Variants in SMYD1 observed in about 807,000 individuals in gnomAD.
SMYD1 encodes SET and MYND domain containing 1.
A neutral mutation model predicts 54.0 loss-of-function variants in SMYD1; 49 were observed. That is an observed-to-expected ratio of 0.91 (90% CI 0.72 to 1.15). The LOEUF is 1.15. Ranked by LOEUF, SMYD1 falls within the 50% of genes most tolerant of loss-of-function variation. SMYD1 has a pLI of 0.00. For synonymous variants in SMYD1, 269 were observed against 234.2 expected (o/e 1.15, Z -1.36); for missense variants, 653 against 639.6 (o/e 1.02, Z -0.23).
chr2:88,076,317 C>A (rs987933595), intron 1 of SMYD1, among the ~76,000 whole-genome samples: 2 of 152,116 alleles, frequency 1.3e-5, no homozygotes, highest in East Asian at 1.9e-4. Flanking sequence ...TGGGTTCACG[C>A]GATTCTCCTG....
chr2:88,106,510 C>CA, intron 8 of SMYD1, 22 bp downstream of exon 8: 1 of 1,605,886 alleles, frequency 6.2e-7, no homozygotes, highest in East Asian at 2.2e-5. Flanking sequence ...TTCTAGGTCT[C>CA]AGATAGTCTC....
At chr2:88,074,300 T>C (rs1046308335) in intron 1 of SMYD1, among the ~76,000 whole-genome samples, 1 of 152,238 alleles carries the variant, frequency 6.6e-6, no homozygotes, top group Admixed American at 6.5e-5. Flanking sequence ...GCTATCTCCA[T>C]CTACTTGAGG....
rs777222788 is a variant in SMYD1, at chr2:88,087,928, G to A, written c.381G>A (p.Val127=). Reference sequence around the variant, plus strand: ...CCGGGCTCACGGAGGGCTGCCTGGTGTCCGTGGACGACTTGCAGAACCACG... The same window carrying A: ...CCGGGCTCACGGAGGGCTGCCTGGTATCCGTGGACGACTTGCAGAACCACG... ...EGTGLTEGCL[V]SVDDLQNHVE... The change falls in exon 3 of 10, where the codon GTG becomes GTA. Residue 127 remains valine (V), a synonymous_variant. Transcript: ENST00000419482. 1.9e-6 allele frequency: 3 copies of A among 1,613,832 alleles called. No homozygotes were observed. Among genetic ancestry groups the A allele is most frequent in the Non-Finnish European group, 8.5e-7 (1 of 1,179,840 alleles).
Position 88,091,127 on chromosome 2 carries a change from T to C in SMYD1, c.644T>C (p.Ile215Thr), listed in dbSNP as rs769741396. The change falls in exon 4 of 10, where the codon ATA becomes ACA. Residue 215 changes from isoleucine (I) to threonine (T), a missense_variant. Coordinates refer to ENST00000419482, the MANE Select transcript of SMYD1 (RefSeq NM_198274.4). Reference sequence around the variant, plus strand: ...GACTGTTGGCCCAACTGTACTGTCATATTTAACAATGGCAAGTGAGTATGT... The same window carrying C: ...GACTGTTGGCCCAACTGTACTGTCACATTTAACAATGGCAAGTGAGTATGT... Reference protein sequence around the residue: ...NHDCWPNCTVIFNNGNHEAVK... With the variant: ...NHDCWPNCTVTFNNGNHEAVK... 1 of 1,613,966 alleles carries C rather than the reference T, an allele frequency of 6.2e-7. No homozygotes were observed. The highest frequency in any genetic ancestry group is 1.1e-5 in the South Asian group (1 of 91,048).
intron 3 of SMYD1, among the ~76,000 whole-genome samples, chr2:88,088,943 C>A (rs1364310477): frequency 1.3e-5 from 2 of 152,068 alleles, no homozygotes; most frequent in African/African-American, 4.8e-5. Flanking sequence ...TAGGCCAGGA[C>A]CTTTATGTGG....
At chr2:88,086,204 T>C (rs1458300325) in intron 2 of SMYD1, among the ~76,000 whole-genome samples, 1 of 152,124 alleles carries the variant, frequency 6.6e-6, no homozygotes, top group Non-Finnish European at 1.5e-5. Context: ...CTGGGCAAAA[T>C]GTACAAGGGA....
chr2:88,099,807 C>T (rs925659501), intron 6 of SMYD1, among the ~76,000 whole-genome samples: 31 of 151,788 alleles, frequency 2.0e-4, no homozygotes, highest in African/African-American at 7.0e-4. Context: ...CCTTCTTACC[C>T]CTTCTCCTTC....
At chr2:88,089,415 A>G (rs527347545) in intron 3 of SMYD1, among the ~76,000 whole-genome samples, 1 of 152,184 alleles carries the variant, frequency 6.6e-6, no homozygotes, top group Non-Finnish European at 1.5e-5. Flanking sequence ...GTATTATTTT[A>G]CACAATCTTT....
At chr2:88,107,476 T>C (rs1481004476) in intron 8 of SMYD1, among the ~76,000 whole-genome samples, 1 of 152,182 alleles carries the variant, frequency 6.6e-6, no homozygotes, top group East Asian at 1.9e-4. Context: ...TTCCTACCAC[T>C]TTTTGGGGAG....
intron 5 of SMYD1, among the ~76,000 whole-genome samples, chr2:88,093,854 C>T (rs1168220732): frequency 6.6e-6 from 1 of 152,140 alleles, no homozygotes; most frequent in African/African-American, 2.4e-5. Context: ...TTAGCAAAAG[C>T]CTATCTTGTC....
chr2:88,086,558 C>T (rs1038680596), intron 2 of SMYD1, among the ~76,000 whole-genome samples: 1 of 152,222 alleles, frequency 6.6e-6, no homozygotes, highest in African/African-American at 2.4e-5. Context: ...CCCCCAGAGC[C>T]CCGCTCCGGC....
intron 1 of SMYD1, among the ~76,000 whole-genome samples, chr2:88,078,781 ACT>A (rs1367382045): frequency 6.6e-6 from 1 of 152,216 alleles, no homozygotes; most frequent in Non-Finnish European, 1.5e-5. Flanking sequence ...CAAAAGCCTG[ACT>A]CTGCATCCTC....
At chr2:88,071,448 G>A (rs530418008) in intron 1 of SMYD1, among the ~76,000 whole-genome samples, 15 of 152,170 alleles carry the variant, frequency 9.9e-5, no homozygotes, top group African/African-American at 2.6e-4. Context: ...TTTGATGGTC[G>A]GAAAAGCAGG....
chr2:88,110,233 G>GTGTGTT, intron 9 of SMYD1, 121 bp from the exon 10 acceptor site: 1 of 991,830 alleles, frequency 1.0e-6, no homozygotes, highest in Non-Finnish European at 1.5e-6. Context: ...GTGTGTGTGT[G>GTGTGTT]TATTCTGAGG....
chr2:88,096,079 C>T (rs1020882305), intron 5 of SMYD1, among the ~76,000 whole-genome samples: 1 of 152,146 alleles, frequency 6.6e-6, no homozygotes, highest in Non-Finnish European at 1.5e-5. Flanking sequence ...GGTAATTTGG[C>T]CTGAACCATT....
chr2:88,087,990 G>T lies in SMYD1; in HGVS notation c.443G>T (p.Arg148Leu), dbSNP rs141986976. 1.6e-4 allele frequency: 254 copies of T among 1,614,068 alleles called. No homozygotes were observed. Among genetic ancestry groups the T allele is most frequent in the Middle Eastern group, 8.2e-4 (5 of 6,084 alleles). The change falls in exon 3 of 10, where the codon CGG (arginine) becomes CTG (leucine). Residue 148 changes from arginine (R) to leucine (L), a missense_variant. Physicochemically the swap from Arg to Leu is moderately radical, Grantham distance 102. Coordinates refer to ENST00000419482, the MANE Select transcript of SMYD1 (RefSeq NM_198274.4). ...GGGGAGGAGGAGCAGAAGGACCTGC[G>T]GGTGGACGTGGACACATTCTTGCAG... is the stretch of plus-strand genomic sequence containing the variant. ...HFGEEEQKDL[R>L]VDVDTFLQYW...
At chr2:88,106,538 C>T (rs76674542) in intron 8 of SMYD1, 50 bp downstream of exon 8, 26,224 of 1,576,730 alleles carry the variant, frequency 0.017, 266 homozygotes, top group Middle Eastern at 0.024. Context: ...TGTGTGTATT[C>T]CAGGGATGGC....
At position 88,106,488 on chromosome 2, in the gene SMYD1, T is replaced by C. The variant is rs755571853; in HGVS notation, c.1145T>C (p.Met382Thr). ...GCCAGGAGGATGGTGGACGGCTATA[T>C]GTAGGTGACGATTCTAGGTCTCAGA... Reference protein sequence around the residue: ...FYARRMVDGYMKLYHPNNAQL... With the variant: ...FYARRMVDGYTKLYHPNNAQL... Residue 382 changes from methionine (M) to threonine (T), a missense_variant and splice_region_variant, in exon 8 of 10, where the codon ATG (methionine) becomes ACG (threonine). Transcript: ENST00000419482. The C allele has an allele frequency of 1.7e-5, 28 of 1,612,054 alleles. No homozygotes were observed. Among genetic ancestry groups the C allele is most frequent in the South Asian group, 6.6e-5 (6 of 91,026 alleles).
intron 1 of SMYD1, among the ~76,000 whole-genome samples, chr2:88,077,226 C>T (rs1339354752): frequency 6.6e-6 from 1 of 152,210 alleles, no homozygotes; most frequent in African/African-American, 2.4e-5. Context: ...AGCTGAGCAG[C>T]AGCTGCCCTT....
Sources: allele counts gnomAD v4.1 joint callset (sites outside exome capture counted in the v4.1 genomes callset), GRCh38; gene constraint gnomAD v4.1.1; transcripts MANE v1.5; gene names NCBI Gene and HGNC (gene_info 2026-07-23, HGNC 2026-07-21).